Variants in SLC6A2 observed in about 807,000 individuals in gnomAD.
The protein encoded by SLC6A2 is solute carrier family 6 member 2, also known as sodium-dependent noradrenaline transporter.
Under a neutral mutation model 71.7 loss-of-function variants are expected in SLC6A2, and 26 were observed. That is an observed-to-expected ratio of 0.36 (90% CI 0.27 to 0.50). The LOEUF is 0.50. Among genes scored for constraint, SLC6A2 ranks in the 20% least tolerant of loss-of-function variants. The probability of loss-of-function intolerance (pLI) is 0.96; values close to 1 mark genes in which losing one functional copy is unlikely to be tolerated. For missense variants in SLC6A2, 581 were observed against 803.9 expected (o/e 0.72, Z 3.35); for synonymous variants, 363 against 337.9 (o/e 1.07, Z -0.82).
At chr16:55,666,752 C>T (rs1469728881) in intron 2 of SLC6A2, among the ~76,000 whole-genome samples, 1 of 152,200 alleles carries the variant, frequency 6.6e-6, no homozygotes, top group African/African-American at 2.4e-5. Context: ...TTGGCAGTGT[C>T]ACCCAGAGGT....
intron 6 of SLC6A2, among the ~76,000 whole-genome samples, 166 bp from the exon 7 acceptor site, chr16:55,693,844 T>C (rs1417228003): frequency 6.6e-6 from 1 of 152,178 alleles, no homozygotes; most frequent in Non-Finnish European, 1.5e-5. Context: ...GCAGTTGTTT[T>C]GTACAGGATG....
At position 55,705,549 on chromosome 16, in the gene SLC6A2, G is replaced by A; in HGVS notation, c.*3203G>A. The A allele has an allele frequency of 2.9e-6, 1 of 349,350 alleles. No homozygotes were observed. 21.6% of individuals were successfully genotyped at this position (349,350 alleles called of 1,614,324 possible). A position where few individuals can be genotyped will look rare whatever the true frequency, so the allele number is the denominator to read the frequency against. ...ACTTGGGTCTGCAGCTGACTAGCTG[G>A]GTGGCCTGGGGATAGTGGCTTCATC... On this transcript the variant is annotated 3_prime_UTR_variant, in exon 15 of 15. Coordinates refer to ENST00000568943, the MANE Select transcript of SLC6A2 (RefSeq NM_001172501.3).
intron 2 of SLC6A2, 87 bp downstream of exon 2, chr16:55,657,055 AAGGG>A: frequency 6.8e-7 from 1 of 1,476,556 alleles, no homozygotes; most frequent in African/African-American, 1.4e-5. Flanking sequence ...ATACACACGG[AAGGG>A]AGGCGAGGAG....
chr16:55,698,416 G>C, intron 10 of SLC6A2, 53 bp from the exon 11 acceptor site: 1 of 1,259,528 alleles, frequency 7.9e-7, no homozygotes, highest in Non-Finnish European at 1.2e-6. Flanking sequence ...ACAACAATCA[G>C]TTCCCACGTT....
At chr16:55,661,476 T>A (rs1826260298) in intron 2 of SLC6A2, among the ~76,000 whole-genome samples, 2 of 152,208 alleles carry the variant, frequency 1.3e-5, no homozygotes, top group Non-Finnish European at 2.9e-5. Context: ...CTTGAAATGA[T>A]GTCACATAAT....
chr16:55,700,029 C>T (rs952324009), intron 12 of SLC6A2, 110 bp from the exon 13 acceptor site: 5 of 868,682 alleles, frequency 5.8e-6, no homozygotes, highest in African/African-American at 1.7e-5. Context: ...TGCTGTGATG[C>T]TCACTTCTCT....
At chr16:55,664,175 G>T (rs1964685230) in intron 2 of SLC6A2, among the ~76,000 whole-genome samples, 2 of 152,128 alleles carry the variant, frequency 1.3e-5, no homozygotes, top group African/African-American at 4.8e-5. Flanking sequence ...CTCTTCTAGG[G>T]TCAGCTAAGG....
intron 11 of SLC6A2, 129 bp downstream of exon 11, chr16:55,698,697 G>T: frequency 1.4e-6 from 1 of 730,744 alleles, no homozygotes. Flanking sequence ...TCACTTATTG[G>T]GAACAAATCT....
chr16:55,698,052 C>G, intron 10 of SLC6A2, 27 bp downstream of exon 10: 1 of 1,613,264 alleles, frequency 6.2e-7, no homozygotes. Context: ...CTCTGGGTCA[C>G]CTGGGGGCCT....
chr16:55,695,403 G>C lies in SLC6A2; in HGVS notation c.1147+1G>C, dbSNP rs1462748555. On this transcript the variant is annotated splice_donor_variant, in intron 8 of 14. Coordinates refer to ENST00000568943, the MANE Select transcript of SLC6A2 (RefSeq NM_001172501.3). LOFTEE classifies it high-confidence loss of function. ...AACATTGAGGATGTGGCCACAGAAGGTGGGTGGGCAGCCCACCTGGGCCCC... is the reference window on the plus strand; with the variant it reads ...AACATTGAGGATGTGGCCACAGAAGCTGGGTGGGCAGCCCACCTGGGCCCC... The C allele has an allele frequency of 1.4e-5, 23 of 1,614,066 alleles. No homozygotes were observed. Among genetic ancestry groups the C allele is most frequent in the Non-Finnish European group, 1.7e-5 (20 of 1,180,026 alleles).
Position 55,703,619 on chromosome 16 carries a change from G to C in SLC6A2, c.*1273G>C, listed in dbSNP as rs761945598. 2.7e-5 allele frequency: 27 copies of C among 985,256 alleles called. No individual in the cohort carries two copies. The highest frequency in any genetic ancestry group is 3.1e-5 in the Non-Finnish European group (26 of 829,910). The allele number at this position is 985,256 out of a possible 1,614,324, so 61.0% of individuals were successfully genotyped here. On this transcript the variant is annotated 3_prime_UTR_variant, in exon 15 of 15. Transcript: ENST00000568943. The stretch of plus-strand genomic sequence containing the variant: ...TCTGGTGGTGTTTAGTTTTAGTTCC[G>C]TAAGAGAAATGATTCCTAGTTTGCT...
chr16:55,696,244 C>G lies in SLC6A2; in HGVS notation c.1167C>G (p.Ile389Met), dbSNP rs1965794161. 28 of 1,611,010 alleles carry G rather than the reference C, an allele frequency of 1.7e-5. No individual in the cohort carries two copies. The highest frequency in any genetic ancestry group is 2.3e-5 in the Non-Finnish European group (27 of 1,177,234). ...VATEGAGLVF[I>M]LYPEAISTLS... ...TTACAGGAGCTGGCCTAGTGTTCATCCTGTATCCAGAGGCCATTTCTACCC... is the reference window on the plus strand; with the variant it reads ...TTACAGGAGCTGGCCTAGTGTTCATGCTGTATCCAGAGGCCATTTCTACCC... Residue 389 changes from isoleucine (I) to methionine (M), a missense_variant, in exon 9 of 15, where the codon ATC becomes ATG. Physicochemically the swap from Ile to Met is conservative, Grantham distance 10. This residue lies in a region of SLC6A2 where 334 missense variants were observed against 449.0 expected (regional missense o/e 0.74). Coordinates refer to ENST00000568943, the MANE Select transcript of SLC6A2 (RefSeq NM_001172501.3).
chr16:55,678,233 C>T (rs1875545), intron 4 of SLC6A2, among the ~76,000 whole-genome samples: 52,053 of 151,636 alleles, frequency 0.34, 9,703 homozygotes, highest in East Asian at 0.47. Flanking sequence ...GTTCTTCTCA[C>T]GCCGCCCTTG....
intron 2 of SLC6A2, 61 bp from the exon 3 acceptor site, chr16:55,669,504 G>A (rs765417358): frequency 1.3e-5 from 21 of 1,601,636 alleles, no homozygotes; most frequent in Admixed American, 5.0e-5. Context: ...TTGCAGACAC[G>A]GATCCAAGAC....
intron 4 of SLC6A2, among the ~76,000 whole-genome samples, chr16:55,674,109 G>T (rs551447913): frequency 2.6e-4 from 40 of 152,050 alleles, no homozygotes; most frequent in Middle Eastern, 3.4e-3. Flanking sequence ...TGAGGTTTGG[G>T]GTGTGATTGA....
At position 55,702,694 on chromosome 16, in the gene SLC6A2, T is replaced by A. The variant is rs1162632389; in HGVS notation, c.*348T>A. 8 of 1,179,362 alleles carry A rather than the reference T, an allele frequency of 6.8e-6. No homozygotes were observed. The African/African-American group carries it at 1.3e-4, about 19-fold the overall frequency. 73.1% of individuals were successfully genotyped at this position (1,179,362 alleles called of 1,614,324 possible). A position where few individuals can be genotyped will look rare whatever the true frequency, so the allele number is the denominator to read the frequency against. On this transcript the variant is annotated 3_prime_UTR_variant, in exon 15 of 15. Coordinates refer to ENST00000568943, the MANE Select transcript of SLC6A2 (RefSeq NM_001172501.3). Reference sequence around the variant, plus strand: ...TTTGCCTAGACTTTGGGCACAGGAGTTCTTAGTCCACCAAATCAGAGAGAG... The same window carrying A: ...TTTGCCTAGACTTTGGGCACAGGAGATCTTAGTCCACCAAATCAGAGAGAG...
chr16:55,659,243 T>G (rs1289590840), intron 2 of SLC6A2, among the ~76,000 whole-genome samples: 1 of 152,168 alleles, frequency 6.6e-6, no homozygotes, highest in Non-Finnish European at 1.5e-5. Flanking sequence ...TTCTTCCCAT[T>G]GCTCTATGTG....
intron 4 of SLC6A2, among the ~76,000 whole-genome samples, chr16:55,677,263 G>A (rs535795399): frequency 2.0e-5 from 3 of 152,210 alleles, no homozygotes; most frequent in African/African-American, 7.2e-5. Flanking sequence ...TGGTTTGGAG[G>A]GGAAGGTGGT....
rs1966044019 is a variant in SLC6A2 at position 55,703,835 on chromosome 16, C to T, written c.*1489C>T. The T allele has an allele frequency of 1.0e-6, 1 of 984,740 alleles. No homozygotes were observed. Among genetic ancestry groups the T allele is most frequent in the Non-Finnish European group, 1.2e-6 (1 of 829,364 alleles). 61.0% of individuals were successfully genotyped at this position (984,740 alleles called of 1,614,324 possible). Reference sequence around the variant, plus strand: ...GGGGTGTTGTTGAGCCTGGTGGTTCCTGCATGAAGAGGATTATGAGGGGAC... The same window carrying T: ...GGGGTGTTGTTGAGCCTGGTGGTTCTTGCATGAAGAGGATTATGAGGGGAC... On this transcript the variant is annotated 3_prime_UTR_variant, in exon 15 of 15. Coordinates refer to ENST00000568943, the MANE Select transcript of SLC6A2 (RefSeq NM_001172501.3).
Sources: allele counts gnomAD v4.1 joint callset (sites outside exome capture counted in the v4.1 genomes callset), GRCh38; gene constraint gnomAD v4.1.1; regional missense constraint gnomAD v4.1.1; transcripts MANE v1.5; gene names NCBI Gene and HGNC (gene_info 2026-07-23, HGNC 2026-07-21).